SHISAL2A: variants seen among roughly 807,000 people sequenced by gnomAD.
SHISAL2A encodes the protein protein shisa-like-2A.
A neutral mutation model predicts 11.5 loss-of-function variants in SHISAL2A; 18 were observed. That is an observed-to-expected ratio of 1.57 (90% CI 1.08 to 2.33). The LOEUF (loss-of-function observed/expected upper bound fraction) is 2.33. Ranked by LOEUF, SHISAL2A falls within the 30% of genes most tolerant of loss-of-function variation. The probability of loss-of-function intolerance (pLI) is 0.00; values close to 1 mark genes in which losing one functional copy is unlikely to be tolerated. For synonymous variants in SHISAL2A, 94 were observed against 99.6 expected (o/e 0.94, Z 0.34); for missense variants, 261 against 250.9 (o/e 1.04, Z -0.27).
At chr1:52,666,222 C>T (rs536357638) in intron 4 of SHISAL2A, among the ~76,000 whole-genome samples, 77 of 152,146 alleles carry the variant, frequency 5.1e-4, no homozygotes, top group Admixed American at 1.2e-3. Context: ...ACGACTGAGA[C>T]GGGGGGATCA....
intron 4 of SHISAL2A, chr1:52,667,389 G>A (rs899193134): frequency 3.0e-6 from 3 of 984,688 alleles, no homozygotes; most frequent in East Asian, 2.3e-4. Context: ...CATTCTCTAT[G>A]ACCCTGCAGG....
intron 1 of SHISAL2A, among the ~76,000 whole-genome samples, chr1:52,639,263 A>G (rs916202844): frequency 6.6e-6 from 1 of 152,148 alleles, no homozygotes; most frequent in African/African-American, 2.4e-5. Flanking sequence ...CAGGACATCC[A>G]CATCCTGAAC....
intron 2 of SHISAL2A, among the ~76,000 whole-genome samples, chr1:52,648,297 TA>T (rs1198732808): frequency 6.6e-6 from 1 of 151,804 alleles, no homozygotes; most frequent in African/African-American, 2.4e-5. Context: ...TGTCCATAGG[TA>T]GAGGAATGGA....
chr1:52,635,027 G>T (rs1252192507), intron 1 of SHISAL2A, among the ~76,000 whole-genome samples: 1 of 152,114 alleles, frequency 6.6e-6, no homozygotes. Context: ...CTACATATTT[G>T]TGCTATCTAT....
intron 1 of SHISAL2A, among the ~76,000 whole-genome samples, chr1:52,637,288 A>C (rs532103813): frequency 1.3e-5 from 2 of 152,230 alleles, no homozygotes; most frequent in African/African-American, 4.8e-5. Flanking sequence ...TAGGGCATCA[A>C]CGTGCTCTGA....
rs140984235 is a variant in SHISAL2A, at chr1:52,665,049, G to T, written n.696-2350G>T. ...AGCAATCCGCCAGCCAGCCCATTTT[G>T]ATCTGCACAATACTTAAGCTGAAGG... is the stretch of plus-strand genomic sequence containing the variant. On this transcript the variant is annotated intron_variant and non_coding_transcript_variant, in intron 4 of 5. Transcript: ENST00000401050. Among the ~76,000 whole-genome samples the T allele has an allele frequency of 5.3e-3, 811 of 152,272 alleles. 3 individuals carry two copies. The highest frequency in any genetic ancestry group is 0.014 in the Admixed American group (207 of 15,276).
chr1:52,653,286 CAAAAAAAAAAAAAA>C (rs59878820), intron 2 of SHISAL2A, among the ~76,000 whole-genome samples: 6 of 36,424 alleles, frequency 1.6e-4, no homozygotes, highest in African/African-American at 4.5e-4. Context: ...CCTGTCTCTA[CAAAAAAAAAAAAAA>C]AAAAAAAAAA....
chr1:52,658,780 G>A (rs1452451525), downstream of SHISAL2A, among the ~76,000 whole-genome samples: 1 of 152,244 alleles, frequency 6.6e-6, no homozygotes, highest in Non-Finnish European at 1.5e-5. Flanking sequence ...CCTTCGGAAT[G>A]CAAGACAAGG....
chr1:52,633,425 C>T lies in SHISAL2A; in HGVS notation c.-69C>T, dbSNP rs576966337. ...CTCAGCTCCGTCTCGCTCGGTCCCT[C>T]GCTTCCCCGCCGGGCTCTAGCCGGC... On this transcript the variant is annotated 5_prime_UTR_variant, in exon 1 of 3. Coordinates refer to ENST00000517870, the MANE Select transcript of SHISAL2A (RefSeq NM_001042693.3). The surrounding 1 kb of genome is among the most constrained non-coding windows in gnomAD (Gnocchi z 6.4). 497 of 1,348,184 alleles carry T rather than the reference C, an allele frequency of 3.7e-4. 1 individual carries two copies. Among genetic ancestry groups the T allele is most frequent in the South Asian group, 2.9e-3 (185 of 63,016 alleles). 83.5% of individuals were successfully genotyped at this position (1,348,184 alleles called of 1,614,324 possible).
intron 4 of SHISAL2A, among the ~76,000 whole-genome samples, chr1:52,665,852 C>T (rs1172110365): frequency 6.6e-6 from 1 of 152,180 alleles, no homozygotes; most frequent in Non-Finnish European, 1.5e-5. Context: ...TGCTGACTCA[C>T]CCCAGGTTGC....
At chr1:52,639,212 A>G (rs1030633220) in intron 1 of SHISAL2A, among the ~76,000 whole-genome samples, 3 of 152,076 alleles carry the variant, frequency 2.0e-5, no homozygotes, top group Non-Finnish European at 4.4e-5. Flanking sequence ...TGGCTAGAGT[A>G]TCAGAATATT....
chr1:52,654,224 T>TATAGATAGATAG (rs55929422), intron 2 of SHISAL2A, among the ~76,000 whole-genome samples: 12,124 of 147,676 alleles, frequency 0.082, 566 homozygotes, highest in Admixed American at 0.15. Context: ...ATGGCAGTTT[T>TATAGATAGATAG]ATAGATAGAT....
intron 2 of SHISAL2A, among the ~76,000 whole-genome samples, chr1:52,653,291 A>C (rs1314479676): frequency 7.0e-6 from 1 of 142,374 alleles, no homozygotes; most frequent in African/African-American, 2.6e-5. Context: ...CTCTACAAAA[A>C]AAAAAAAAAA....
chr1:52,659,043 T>G (rs1571701431), downstream of SHISAL2A, among the ~76,000 whole-genome samples: 1 of 96,152 alleles, frequency 1.0e-5, no homozygotes, highest in South Asian at 3.4e-4. Context: ...GTGGTGGTGG[T>G]GTGTGTGTGT....
intron 2 of SHISAL2A, among the ~76,000 whole-genome samples, chr1:52,646,346 A>C (rs1252362241): frequency 6.6e-6 from 1 of 152,202 alleles, no homozygotes; most frequent in African/African-American, 2.4e-5. Flanking sequence ...AAAATATAGG[A>C]ATTTGTATAA....
intron 2 of SHISAL2A, among the ~76,000 whole-genome samples, chr1:52,655,757 T>C (rs982244084): frequency 6.6e-6 from 1 of 152,064 alleles, no homozygotes; most frequent in South Asian, 2.1e-4. Context: ...GGAGCACAGG[T>C]AATGGAAAGA....
chr1:52,642,738 A>C, intron 1 of SHISAL2A, 125 bp from the exon 2 acceptor site: 1 of 1,068,544 alleles, frequency 9.4e-7, no homozygotes, highest in African/African-American at 1.6e-5. Flanking sequence ...ATTTTTTTTA[A>C]ATATTTTTAT....
chr1:52,642,249 G>A (rs1691382518), intron 1 of SHISAL2A, among the ~76,000 whole-genome samples: 1 of 152,188 alleles, frequency 6.6e-6, no homozygotes, highest in Non-Finnish European at 1.5e-5. Context: ...GGGAGCAGGT[G>A]AGGAAAGTAG....
At chr1:52,647,516 C>T (rs1558089151) in intron 2 of SHISAL2A, among the ~76,000 whole-genome samples, 1 of 152,048 alleles carries the variant, frequency 6.6e-6, no homozygotes, top group Non-Finnish European at 1.5e-5. Context: ...AAAAGATGCT[C>T]AACATTACTA....
Sources: allele counts gnomAD v4.1 joint callset (sites outside exome capture counted in the v4.1 genomes callset), GRCh38; gene constraint gnomAD v4.1.1; non-coding constraint Gnocchi (gnomAD v3.1); transcripts MANE v1.5; gene names NCBI Gene and HGNC (gene_info 2026-07-23, HGNC 2026-07-21).